The following XKR4 variants were observed in gnomAD, a reference collection of about 807,000 sequenced individuals.
XKR4 encodes XK related 4, also known as XK-related protein 4.
Under a neutral mutation model 53.9 loss-of-function variants are expected in XKR4, and 12 were observed. The observed-to-expected ratio is 0.22, with a 90% CI of 0.14 to 0.36. The LOEUF (loss-of-function observed/expected upper bound fraction) is 0.36. Ranked by LOEUF, XKR4 falls within the 10% of genes least tolerant of loss-of-function variation. XKR4 has a pLI of 1.00. For synonymous variants in XKR4, 354 were observed against 362.4 expected, an observed-to-expected ratio of 0.98 and a Z score of 0.26; for missense variants, 799 against 859.5, an observed-to-expected ratio of 0.93 and a Z score of 0.88.
At chr8:55,119,135 A>G (rs560130340) in intron 1 of XKR4, among the ~76,000 whole-genome samples, 4 of 152,202 alleles carry the variant, frequency 2.6e-5, no homozygotes, top group Non-Finnish European at 4.4e-5. Flanking sequence ...CGCACACGTT[A>G]TTAAAATGTG....
intron 1 of XKR4, among the ~76,000 whole-genome samples, chr8:55,152,401 T>TAA (rs1816850940): frequency 6.6e-6 from 1 of 152,186 alleles, no homozygotes. Context: ...CCATATATCT[T>TAA]TGCTTTACAG....
chr8:55,208,617 C>G (rs1007306958), intron 1 of XKR4, among the ~76,000 whole-genome samples: 1 of 152,092 alleles, frequency 6.6e-6, no homozygotes, highest in African/African-American at 2.4e-5. Flanking sequence ...CAGGCGCCCA[C>G]CACCACACCC....
intron 2 of XKR4, among the ~76,000 whole-genome samples, chr8:55,397,117 A>G (rs954174691): frequency 1.3e-5 from 2 of 152,248 alleles, no homozygotes; most frequent in African/African-American, 4.8e-5. Flanking sequence ...AAAGCAGAAA[A>G]CAAGGCAATA....
chr8:55,358,879 T>C (rs548207561), intron 2 of XKR4, among the ~76,000 whole-genome samples: 19 of 152,344 alleles, frequency 1.2e-4, no homozygotes, highest in Admixed American at 1.2e-3. Context: ...ACTGTCCTTA[T>C]AACTTTTTAT....
rs149269280 is a variant in XKR4 at position 55,310,883 on chromosome 8, C to A, written c.807-46795C>A. Among the ~76,000 whole-genome samples, 175 of 152,314 alleles carry A rather than the reference C, an allele frequency of 1.1e-3. 1 individual carries two copies. The highest frequency in any genetic ancestry group is 4.1e-3 in the African/African-American group (171 of 41,572). Reference sequence around the variant, plus strand: ...GAAGGGGAAGAAAGGAAAGCAAAGACCCACAGAGGGTGTTATAGGGTCAAT... The same window carrying A: ...GAAGGGGAAGAAAGGAAAGCAAAGAACCACAGAGGGTGTTATAGGGTCAAT... On this transcript the variant is annotated intron_variant, in intron 1 of 2. Coordinates refer to ENST00000327381, the MANE Select transcript of XKR4 (RefSeq NM_052898.2).
intron 1 of XKR4, among the ~76,000 whole-genome samples, chr8:55,343,373 C>T (rs1803586158): frequency 6.6e-6 from 1 of 152,158 alleles, no homozygotes; most frequent in Admixed American, 6.5e-5. Flanking sequence ...CCACGGAAGC[C>T]ATTTCCAGAA....
intron 2 of XKR4, among the ~76,000 whole-genome samples, chr8:55,505,547 T>C (rs1463258988): frequency 6.6e-6 from 1 of 152,102 alleles, no homozygotes; most frequent in Non-Finnish European, 1.5e-5. Context: ...CAAGACCCCA[T>C]CTCAAAAACA....
chr8:55,155,487 T>A (rs1229525039), intron 1 of XKR4, among the ~76,000 whole-genome samples: 2 of 151,606 alleles, frequency 1.3e-5, no homozygotes, highest in Non-Finnish European at 2.9e-5. Flanking sequence ...TAACAGGATG[T>A]TGTAAAAACA....
intron 1 of XKR4, among the ~76,000 whole-genome samples, chr8:55,215,206 C>T (rs1817783682): frequency 6.6e-6 from 1 of 152,122 alleles, no homozygotes; most frequent in Admixed American, 6.5e-5. Flanking sequence ...TTAGGGGGAA[C>T]CCTGTAGGGC....
chr8:55,410,673 C>G (rs1200896589), intron 2 of XKR4, among the ~76,000 whole-genome samples: 1 of 152,010 alleles, frequency 6.6e-6, no homozygotes, highest in Non-Finnish European at 1.5e-5. Flanking sequence ...CCCCCGGGAC[C>G]CTGATGGGCC....
intron 1 of XKR4, among the ~76,000 whole-genome samples, chr8:55,233,352 A>G (rs1818071488): frequency 6.7e-6 from 1 of 149,676 alleles, no homozygotes; most frequent in East Asian, 1.9e-4. Context: ...ATAGTCTCTT[A>G]TGTCATTCTA....
intron 1 of XKR4, among the ~76,000 whole-genome samples, chr8:55,262,760 A>G (rs1378013400): frequency 6.6e-6 from 1 of 152,206 alleles, no homozygotes; most frequent in African/African-American, 2.4e-5. Flanking sequence ...TGACTATGAC[A>G]GTGGTAGAGC....
intron 1 of XKR4, among the ~76,000 whole-genome samples, chr8:55,130,028 T>C (rs1376155783): frequency 6.6e-6 from 1 of 152,066 alleles, no homozygotes; most frequent in Non-Finnish European, 1.5e-5. Context: ...TAGAGCAGGA[T>C]TACAAGTTTG....
At chr8:55,375,753 A>G in intron 2 of XKR4, among the ~76,000 whole-genome samples, 1 of 150,940 alleles carries the variant, frequency 6.6e-6, no homozygotes, top group East Asian at 1.9e-4. Flanking sequence ...GTTCCAGGGT[A>G]CACGTGCAGG....
At chr8:55,322,200 A>G (rs1040793588) in intron 1 of XKR4, among the ~76,000 whole-genome samples, 1 of 152,314 alleles carries the variant, frequency 6.6e-6, no homozygotes, top group Non-Finnish European at 1.5e-5. Context: ...CAAATTTTGT[A>G]TAAATGGATT....
chr8:55,536,018 A>G lies in XKR4; in HGVS notation c.*11791A>G. ...TTAACCATCCCTCCTTTTAACAGCA[A>G]TGAGATTCAGGGTTACCATGGCCTT... On this transcript the variant is annotated 3_prime_UTR_variant, in exon 3 of 3. Coordinates refer to ENST00000327381, the MANE Select transcript of XKR4 (RefSeq NM_052898.2). 6.6e-6 allele frequency: 1 copy of G among 152,214 alleles called. No individual in the cohort carries two copies. Among genetic ancestry groups the G allele is most frequent in the South Asian group, 2.1e-4 (1 of 4,830 alleles). The allele number at this position is 152,214 out of a possible 1,614,324, so 9.4% of individuals were successfully genotyped here.
intron 2 of XKR4, among the ~76,000 whole-genome samples, chr8:55,405,615 G>T (rs146986198): frequency 6.6e-6 from 1 of 152,128 alleles, no homozygotes; most frequent in African/African-American, 2.4e-5. Flanking sequence ...TGAGGAATCC[G>T]CAGATTCCAT....
intron 1 of XKR4, among the ~76,000 whole-genome samples, chr8:55,158,552 T>G (rs144692397): frequency 1.3e-5 from 2 of 152,328 alleles, no homozygotes; most frequent in East Asian, 3.9e-4. Context: ...CTTTTGGCAA[T>G]TTTGTCATGA....
intron 2 of XKR4, among the ~76,000 whole-genome samples, chr8:55,475,717 C>A (rs1285085153): frequency 1.3e-5 from 2 of 151,878 alleles, no homozygotes; most frequent in African/African-American, 4.8e-5. Flanking sequence ...AGTTCTCTAC[C>A]TCAGCCTCCC....
Sources: gnomAD v4.1 joint callset for allele counts (sites outside exome capture counted in the v4.1 genomes callset) on GRCh38, gnomAD v4.1.1 for gene constraint, MANE v1.5 for transcripts, NCBI Gene and HGNC (gene_info 2026-07-23, HGNC 2026-07-21) for gene names.